Variants in RELN observed in about 807,000 individuals in gnomAD.
RELN encodes reelin.
Under a neutral mutation model 427.6 loss-of-function variants are expected in RELN, and 108 were observed. The observed-to-expected ratio is 0.25, with a 90% confidence interval of 0.22 to 0.30. The LOEUF (loss-of-function observed/expected upper bound fraction) is 0.30, where lower values mean the gene tolerates loss of function less well. RELN is among the 10% of genes least tolerant of loss of function. The pLI is 1.00. For synonymous variants in RELN, 1,524 were observed against 1,513.4 expected (o/e 1.01, Z -0.16); for missense variants, 3,715 against 4,302.8 (o/e 0.86, Z 3.82).
At chr7:103,558,601 G>A (rs142807104) in intron 36 of RELN, among the ~76,000 whole-genome samples, 100 of 152,300 alleles carry the variant, frequency 6.6e-4, no homozygotes, top group African/African-American at 2.2e-3. Context: ...TGATGCTCAC[G>A]CTGTAGGCAT....
intron 1 of RELN, among the ~76,000 whole-genome samples, chr7:103,934,998 C>A (rs1402600358): frequency 1.3e-5 from 2 of 152,212 alleles, no homozygotes; most frequent in African/African-American, 2.4e-5. Flanking sequence ...CATCTCCAAT[C>A]ACTGTGGCTA....
intron 3 of RELN, among the ~76,000 whole-genome samples, chr7:103,792,972 G>A (rs2116278316): frequency 6.6e-6 from 1 of 152,198 alleles, no homozygotes; most frequent in Non-Finnish European, 1.5e-5. Context: ...GAAACATGCA[G>A]AGAACAAAAC....
In RELN at chr7:103,981,360, G is replaced by T. The variant is rs145158611; in HGVS notation, c.226+7771C>A. Among the ~76,000 whole-genome samples, 462 of 152,276 alleles carry T rather than the reference G, an allele frequency of 3.0e-3. 1 individual carries two copies. Among genetic ancestry groups the T allele is most frequent in the Admixed American group, 4.4e-3 (68 of 15,304 alleles). ...ACCTTCTCAAAGCATAATTAGAAAA[G>T]CTAACATAAAATGCACTATCTTTGC... On this transcript the variant is annotated intron_variant, in intron 1 of 64. Coordinates refer to ENST00000428762, the MANE Select transcript of RELN (RefSeq NM_005045.4).
At chr7:103,773,574 A>G (rs1302279652) in intron 4 of RELN, among the ~76,000 whole-genome samples, 1 of 151,552 alleles carries the variant, frequency 6.6e-6, no homozygotes, top group Non-Finnish European at 1.5e-5. Context: ...GGTTCAAGCC[A>G]TTCTCCTGCC....
chr7:103,921,465 C>A (rs944218172), intron 1 of RELN, among the ~76,000 whole-genome samples: 1 of 152,032 alleles, frequency 6.6e-6, no homozygotes, highest in Non-Finnish European at 1.5e-5. Context: ...CATAGTTTTG[C>A]ATTAAAATGT....
intron 10 of RELN, among the ~76,000 whole-genome samples, chr7:103,691,139 C>A (rs1402349800): frequency 1.3e-5 from 2 of 152,220 alleles, no homozygotes; most frequent in Admixed American, 1.3e-4. Context: ...GATGGTAAAG[C>A]CTTCTACCAA....
chr7:103,764,347 A>G (rs1791376167), intron 4 of RELN, among the ~76,000 whole-genome samples: 1 of 152,142 alleles, frequency 6.6e-6, no homozygotes, highest in African/African-American at 2.4e-5. Flanking sequence ...TATTTTACAG[A>G]TGAGAGAATT....
At position 103,566,766 on chromosome 7, in the gene RELN, T is replaced by TA. The variant is rs751121994; in HGVS notation, c.4589-8dup. 4 of 1,613,558 alleles carry TA rather than the reference T, an allele frequency of 2.5e-6. No homozygotes were observed. In the Admixed American group the frequency reaches 5.0e-5, roughly 20 times the overall value. ...GAATACTGAACAATAAGCCCTGAGT[T>TA]AAAAGACATAAATCCAGTTATTTGG... On this transcript the variant is annotated splice_region_variant and splice_polypyrimidine_tract_variant and intron_variant, in intron 31 of 64. Transcript: ENST00000428762.
chr7:103,727,146 C>T (rs1193362614), intron 7 of RELN, among the ~76,000 whole-genome samples: 1 of 152,056 alleles, frequency 6.6e-6, no homozygotes, highest in South Asian at 2.1e-4. Context: ...CACCCCCTGC[C>T]CCACAATTTA....
intron 6 of RELN, among the ~76,000 whole-genome samples, chr7:103,742,030 T>C (rs1469861859): frequency 6.6e-6 from 1 of 152,086 alleles, no homozygotes; most frequent in East Asian, 1.9e-4. Context: ...AGGGGCGGAC[T>C]GACACCGCAC....
At chr7:103,980,614 A>G (rs956685234) in intron 1 of RELN, among the ~76,000 whole-genome samples, 1 of 152,188 alleles carries the variant, frequency 6.6e-6, no homozygotes, top group Non-Finnish European at 1.5e-5. Context: ...CAAAACACTA[A>G]CCTCTCTGTG....
chr7:103,773,284 CCTCGCTCCCTCTCTCTCT>C (rs1791639557), intron 4 of RELN, among the ~76,000 whole-genome samples: 2 of 99,940 alleles, frequency 2.0e-5, no homozygotes, highest in South Asian at 8.6e-4. Context: ...TCTCTCTCTC[CCTCGCTCCCTCTCTCTCT>C]CCCTCCCTCG....
At chr7:103,561,184 C>T (rs1424674813) in intron 36 of RELN, among the ~76,000 whole-genome samples, 1 of 152,030 alleles carries the variant, frequency 6.6e-6, no homozygotes, top group African/African-American at 2.4e-5. Flanking sequence ...AAAGACCGTT[C>T]ATAAAGTCAT....
intron 49 of RELN, among the ~76,000 whole-genome samples, chr7:103,517,936 G>T (rs1040125357): frequency 1.3e-5 from 2 of 152,186 alleles, no homozygotes; most frequent in African/African-American, 4.8e-5. Flanking sequence ...AAGGAAGTAC[G>T]TGCAGCTGTT....
At chr7:103,830,248 A>G (rs1361238719) in intron 3 of RELN, among the ~76,000 whole-genome samples, 1 of 152,026 alleles carries the variant, frequency 6.6e-6, no homozygotes, top group Non-Finnish European at 1.5e-5. Flanking sequence ...GTTCAGCATT[A>G]GAAACTATTA....
chr7:103,814,131 T>A (rs1158247898), intron 3 of RELN, among the ~76,000 whole-genome samples: 1 of 152,174 alleles, frequency 6.6e-6, no homozygotes. Context: ...CTATGAACTA[T>A]CTGTGTCAGG....
At chr7:103,790,322 TATA>T (rs999013404) in intron 3 of RELN, among the ~76,000 whole-genome samples, 1 of 152,090 alleles carries the variant, frequency 6.6e-6, no homozygotes, top group Admixed American at 6.6e-5. Context: ...ATTCCAGAAC[TATA>T]ATAATAATAA....
chr7:103,560,330 T>G (rs1036066659), intron 36 of RELN, among the ~76,000 whole-genome samples: 1 of 152,240 alleles, frequency 6.6e-6, no homozygotes, highest in Non-Finnish European at 1.5e-5. Context: ...TGCCACCTAC[T>G]GAATGGCACA....
At chr7:103,783,391 T>G (rs779448593) in intron 3 of RELN, among the ~76,000 whole-genome samples, 3 of 152,138 alleles carry the variant, frequency 2.0e-5, no homozygotes, top group Non-Finnish European at 4.4e-5. Context: ...GGAGTAATTA[T>G]TTTTGTTAAA....
Sources: allele counts gnomAD v4.1 joint callset (sites outside exome capture counted in the v4.1 genomes callset), GRCh38; gene constraint gnomAD v4.1.1; transcripts MANE v1.5; gene names NCBI Gene and HGNC (gene_info 2026-07-23, HGNC 2026-07-21).